The following TRPM2 variants were observed in gnomAD, a reference collection of about 807,000 sequenced individuals.
The protein encoded by TRPM2 is estrogen-responsive element-associated gene 1 protein.
Under a neutral mutation model 174.0 loss-of-function variants are expected in TRPM2, and 161 were observed. The ratio of observed to expected loss-of-function variants is 0.93; its 90% CI spans 0.81 to 1.05. TRPM2 has a LOEUF of 1.05. Among genes scored for constraint, TRPM2 ranks in the 50% least tolerant of loss-of-function variants. The pLI is 0.00. For missense variants in TRPM2, 2,057 were observed against 2,038.0 expected, an observed-to-expected ratio of 1.01 and a Z score of -0.18; for synonymous variants, 954 against 861.3, an observed-to-expected ratio of 1.11 and a Z score of -1.88.
chr21:44,433,818 C>T (rs543916375), intron 27 of TRPM2, among the ~76,000 whole-genome samples: 15 of 152,180 alleles, frequency 9.9e-5, no homozygotes, highest in South Asian at 6.2e-4. Flanking sequence ...TGTTCTGGTG[C>T]GGACTCTGAT....
At chr21:44,412,020 C>T (rs1265235378) in intron 19 of TRPM2, among the ~76,000 whole-genome samples, 4 of 152,114 alleles carry the variant, frequency 2.6e-5, no homozygotes, top group Non-Finnish European at 4.4e-5. Flanking sequence ...ATGATTTTTG[C>T]ACCTATATTC....
intron 4 of TRPM2, 123 bp from the exon 5 acceptor site, chr21:44,369,054 T>G (rs2048443102): frequency 9.3e-7 from 1 of 1,077,108 alleles, no homozygotes; most frequent in Non-Finnish European, 1.3e-6. Flanking sequence ...AGCCCCTGAG[T>G]GAGGAGCTCT....
rs2050632790 is a variant in TRPM2, at chr21:44,423,665, T to C, written c.3482T>C (p.Leu1161Pro). 1.2e-6 allele frequency: 2 copies of C among 1,612,890 alleles called. No individual in the cohort carries two copies. The highest frequency in any genetic ancestry group is 2.7e-5 in the African/African-American group (2 of 74,938). ...ISNKVDAMVD[L>P]LDLDPLKRSG... ...TTCAGGGTTGACGCCATGGTGGACCTGCTGGACCTGGACCCACTGAAGAGG... is the reference window on the plus strand; with the variant it reads ...TTCAGGGTTGACGCCATGGTGGACCCGCTGGACCTGGACCCACTGAAGAGG... Residue 1161 changes from leucine to proline, a missense_variant, in exon 23 of 32, where the codon CTG becomes CCG. Coordinates refer to ENST00000397928, the MANE Select transcript of TRPM2 (RefSeq NM_003307.4).
At chr21:44,406,091 CGG>C (rs2049864722) in intron 18 of TRPM2, 54 bp downstream of exon 18, 1 of 1,591,790 alleles carries the variant, frequency 6.3e-7, no homozygotes, top group Non-Finnish European at 8.5e-7. Flanking sequence ...GGGTGGGCCT[CGG>C]GGAGGGCAGG....
intron 18 of TRPM2, 88 bp downstream of exon 18, chr21:44,406,125 T>G: frequency 2.6e-6 from 4 of 1,538,080 alleles, no homozygotes; most frequent in Non-Finnish European, 3.5e-6. Context: ...TGGCTCGGAC[T>G]GGGGCTTAAA....
At chr21:44,404,496 C>T (rs2049792228) in intron 16 of TRPM2, among the ~76,000 whole-genome samples, 1 of 152,214 alleles carries the variant, frequency 6.6e-6, no homozygotes, top group South Asian at 2.1e-4. Flanking sequence ...GCCGAGGTAG[C>T]TGCTGCCAGC....
intron 19 of TRPM2, among the ~76,000 whole-genome samples, chr21:44,413,227 CTTTTTT>C (rs958225632): frequency 8.6e-6 from 1 of 116,274 alleles, no homozygotes; most frequent in African/African-American, 3.3e-5. Flanking sequence ...CTTTTCAATT[CTTTTTT>C]TTTTTTTTTT....
At chr21:44,430,917 A>G (rs545245773) in intron 27 of TRPM2, among the ~76,000 whole-genome samples, 2 of 150,944 alleles carry the variant, frequency 1.3e-5, no homozygotes, top group East Asian at 3.9e-4. Context: ...ATATAAATAT[A>G]TAGTAATTTC....
intron 8 of TRPM2, among the ~76,000 whole-genome samples, chr21:44,379,974 CT>C: frequency 6.6e-6 from 1 of 152,368 alleles, no homozygotes; most frequent in South Asian, 2.1e-4. Context: ...CTGACATGCG[CT>C]TTCCACTGTG....
At position 44,441,968 on chromosome 21, in the gene TRPM2, A is replaced by C; in HGVS notation, c.*151A>C. 8.6e-7 allele frequency: 1 copy of C among 1,158,440 alleles called. No individual in the cohort carries two copies. Among genetic ancestry groups the C allele is most frequent in the Non-Finnish European group, 1.1e-6 (1 of 877,132 alleles). 71.8% of individuals were successfully genotyped at this position (1,158,440 alleles called of 1,614,324 possible). A position where few individuals can be genotyped will look rare whatever the true frequency, so the allele number is the denominator to read the frequency against. On this transcript the variant is annotated 3_prime_UTR_variant, in exon 32 of 32. Coordinates refer to ENST00000397928, the MANE Select transcript of TRPM2 (RefSeq NM_003307.4). Reference sequence around the variant, plus strand: ...CCCAGTGCCCCTCACGGCTGCCGCAAGTCTGCTGCAGATGACCTCATGAAC... The same window carrying C: ...CCCAGTGCCCCTCACGGCTGCCGCACGTCTGCTGCAGATGACCTCATGAAC...
intron 27 of TRPM2, among the ~76,000 whole-genome samples, chr21:44,428,430 G>A (rs1290542596): frequency 8.5e-6 from 1 of 117,384 alleles, no homozygotes; most frequent in South Asian, 2.7e-4. Context: ...CCCCTTAGGT[G>A]TGGCTCCTCC....
chr21:44,352,827 T>G (rs1217940667), upstream of TRPM2, among the ~76,000 whole-genome samples: 1 of 152,214 alleles, frequency 6.6e-6, no homozygotes, highest in African/African-American at 2.4e-5. Context: ...TTATTGTCTT[T>G]TTCCTGGAGT....
chr21:44,391,580 C>CGA lies in TRPM2; in HGVS notation c.1750_1751dup (p.Asp584GlufsTer20). ...CGCTTTATCCCCGGCCCCGGCACAA[C>CGA]GACCGGCTGCGGCTCCTGCTGCCCG... On this transcript the variant is annotated frameshift_variant, in exon 11 of 32. Transcript: ENST00000397928. LOFTEE classifies it high-confidence loss of function. The surrounding 1 kb of genome is among the most constrained non-coding windows in gnomAD (Gnocchi z 5.0). 6.3e-7 allele frequency: 1 copy of CGA among 1,589,696 alleles called. No individual in the cohort carries two copies. The highest frequency in any genetic ancestry group is 8.5e-7 in the Non-Finnish European group (1 of 1,174,218).
At chr21:44,401,015 G>A (rs1389664811) in intron 15 of TRPM2, among the ~76,000 whole-genome samples, 1 of 152,162 alleles carries the variant, frequency 6.6e-6, no homozygotes, top group Non-Finnish European at 1.5e-5. Flanking sequence ...CACACTGCCT[G>A]CCTCCTTCCC....
intron 16 of TRPM2, 35 bp from the exon 17 acceptor site, chr21:44,405,107 C>A (rs1351490883): frequency 1.2e-6 from 2 of 1,609,662 alleles, no homozygotes; most frequent in Non-Finnish European, 1.7e-6. Context: ...AGAGTGACAA[C>A]CTGTCTGCCT....
chr21:44,356,321 G>A (rs2048062799), intron 2 of TRPM2, among the ~76,000 whole-genome samples: 1 of 151,208 alleles, frequency 6.6e-6, no homozygotes, highest in African/African-American at 2.4e-5. Context: ...AGCGGGGTCT[G>A]TAGAGCAGTG....
chr21:44,418,405 G>C lies in TRPM2; in HGVS notation c.3329-18G>C, dbSNP rs369159098. 8 of 1,613,022 alleles carry C rather than the reference G, an allele frequency of 5.0e-6. No individual in the cohort carries two copies. The highest frequency in any genetic ancestry group is 4.0e-5 in the African/African-American group (3 of 74,908). ...CTGAGGATTCCAGGTCCCCTGGTCT[G>C]TCCGCCCACCCTGACAGAGAACAAG... On this transcript the variant is annotated intron_variant, in intron 21 of 31. Coordinates refer to ENST00000397928, the MANE Select transcript of TRPM2 (RefSeq NM_003307.4).
intron 2 of TRPM2, among the ~76,000 whole-genome samples, chr21:44,359,850 C>T (rs1322979049): frequency 1.3e-5 from 2 of 151,868 alleles, no homozygotes; most frequent in Admixed American, 6.6e-5. Context: ...CGGGCTCAAG[C>T]GATTCTCCTG....
At chr21:44,423,492 A>C in intron 22 of TRPM2, 153 bp from the exon 23 acceptor site, 16 of 642,654 alleles carry the variant, frequency 2.5e-5, no homozygotes, top group East Asian at 5.9e-5. Context: ...CTATGGGAGA[A>C]ATGCATGTTA....
Sources: gnomAD v4.1 joint callset for allele counts (sites outside exome capture counted in the v4.1 genomes callset) on GRCh38, gnomAD v4.1.1 for gene constraint, Gnocchi (gnomAD v3.1) non-coding constraint, MANE v1.5 for transcripts, NCBI Gene and HGNC (gene_info 2026-07-23, HGNC 2026-07-21) for gene names.